Variants in SLC4A10 observed in about 807,000 individuals in gnomAD.
SLC4A10 encodes sodium-driven chloride bicarbonate exchanger.
In SLC4A10, 42 loss-of-function variants were observed where a neutral mutation model predicts 137.7. The ratio of observed to expected loss-of-function variants is 0.30; its 90% CI spans 0.24 to 0.39. SLC4A10 has a LOEUF of 0.39. SLC4A10 is among the 10% of genes least tolerant of loss of function. The pLI, the probability that SLC4A10 is intolerant of heterozygous loss-of-function variation, is 1.00. For synonymous variants in SLC4A10, 474 were observed against 464.1 expected (o/e 1.02, Z -0.27); for missense variants, 925 against 1,355.0 (o/e 0.68, Z 4.98).
At chr2:161,632,991 G>T (rs1369808416) in intron 1 of SLC4A10, among the ~76,000 whole-genome samples, 1 of 151,520 alleles carries the variant, frequency 6.6e-6, no homozygotes, top group African/African-American at 2.4e-5. Flanking sequence ...GCAATATTGT[G>T]TATATACATG....
intron 5 of SLC4A10, among the ~76,000 whole-genome samples, chr2:161,862,655 A>G (rs1004740298): frequency 2.0e-4 from 31 of 152,210 alleles, no homozygotes; most frequent in African/African-American, 7.2e-4. Context: ...AGAATGGTTT[A>G]TAATGAAAAT....
chr2:161,934,226 C>T (rs1013838109), intron 15 of SLC4A10, among the ~76,000 whole-genome samples: 1 of 152,086 alleles, frequency 6.6e-6, no homozygotes, highest in African/African-American at 2.4e-5. Context: ...ACTGTAGTCA[C>T]CCTGTTGTGT....
At chr2:161,945,382 AC>A (rs899424377) in intron 16 of SLC4A10, among the ~76,000 whole-genome samples, 1 of 151,394 alleles carries the variant, frequency 6.6e-6, no homozygotes, top group Non-Finnish European at 1.5e-5. Context: ...ACTAATGCCA[AC>A]TTTAATTTCT....
rs558798340 is a variant in SLC4A10, at chr2:161,647,088, A to G, written c.48+22522A>G. Among the ~76,000 whole-genome samples, 35 of 152,116 alleles carry G rather than the reference A, an allele frequency of 2.3e-4. No individual in the cohort carries two copies. The South Asian group carries it at 6.6e-3, about 29-fold the overall frequency. On this transcript the variant is annotated intron_variant, in intron 1 of 26. Coordinates refer to ENST00000446997, the MANE Select transcript of SLC4A10 (RefSeq NM_001178015.2). ...TCTTCTTCTGGAATGATTATACAGG[A>G]TCTTCTTAATTGAAAACTGTTAACG...
In SLC4A10 at chr2:161,624,473, G is replaced by A; in HGVS notation, c.-46G>A. ...AGTGCCGGGCTGAGTGTAAGACACT[G>A]AAGACACTGCAGAGCAAGGTGCTTA... On this transcript the variant is annotated 5_prime_UTR_variant, in exon 1 of 27. Coordinates refer to ENST00000446997, the MANE Select transcript of SLC4A10 (RefSeq NM_001178015.2). The A allele has an allele frequency of 6.4e-7, 1 of 1,551,346 alleles. No individual in the cohort carries two copies. The highest frequency in any genetic ancestry group is 1.2e-5 in the South Asian group (1 of 84,046).
At chr2:161,957,471 A>T (rs891401953) in intron 20 of SLC4A10, among the ~76,000 whole-genome samples, 2 of 152,196 alleles carry the variant, frequency 1.3e-5, no homozygotes, top group Non-Finnish European at 2.9e-5. Flanking sequence ...GTAAAATTTG[A>T]TGAGTAAATT....
chr2:161,715,612 T>C (rs1241711645), intron 1 of SLC4A10, among the ~76,000 whole-genome samples: 2 of 152,074 alleles, frequency 1.3e-5, no homozygotes, highest in Admixed American at 1.3e-4. Context: ...TGTTCCTGCG[T>C]TAGTTTGCAG....
chr2:161,788,353 G>A (rs561687864), intron 2 of SLC4A10, among the ~76,000 whole-genome samples: 1 of 151,872 alleles, frequency 6.6e-6, no homozygotes, highest in African/African-American at 2.4e-5. Flanking sequence ...TTTTTATTTG[G>A]TGGTGCAATT....
intron 19 of SLC4A10, among the ~76,000 whole-genome samples, chr2:161,952,219 G>A (rs1694925759): frequency 1.3e-5 from 2 of 152,136 alleles, no homozygotes; most frequent in South Asian, 4.1e-4. Context: ...GAAGTGAAAT[G>A]TGTGCTGAGA....
intron 1 of SLC4A10, among the ~76,000 whole-genome samples, chr2:161,732,725 T>C (rs2046942079): frequency 6.6e-6 from 1 of 152,046 alleles, no homozygotes; most frequent in Non-Finnish European, 1.5e-5. Context: ...GACAGGAAAA[T>C]GTGGGCAAGT....
intron 1 of SLC4A10, among the ~76,000 whole-genome samples, chr2:161,724,147 A>G (rs2045977839): frequency 6.6e-6 from 1 of 152,116 alleles, no homozygotes; most frequent in Non-Finnish European, 1.5e-5. Context: ...CACCTGGACT[A>G]TTGTAACCAT....
At chr2:161,667,381 T>C (rs1370627826) in intron 1 of SLC4A10, among the ~76,000 whole-genome samples, 1 of 151,700 alleles carries the variant, frequency 6.6e-6, no homozygotes, top group African/African-American at 2.4e-5. Context: ...GCTTAGACTC[T>C]AGTGGGGAAG....
chr2:161,979,693 G>A (rs373984118), intron 26 of SLC4A10, among the ~76,000 whole-genome samples: 1 of 152,082 alleles, frequency 6.6e-6, no homozygotes, highest in South Asian at 2.1e-4. Context: ...ATCATGACCA[G>A]GAACTGTGAA....
At chr2:161,768,280 A>G (rs1490156581) in intron 1 of SLC4A10, among the ~76,000 whole-genome samples, 2 of 152,174 alleles carry the variant, frequency 1.3e-5, no homozygotes, top group South Asian at 2.1e-4. Context: ...CCTGACATCC[A>G]TAAGTCCCTA....
rs949020398 is a variant in SLC4A10, at chr2:161,854,951, A to G, written c.417-19A>G. 2 of 1,605,752 alleles carry G rather than the reference A, an allele frequency of 1.2e-6. No homozygotes were observed. The stretch of plus-strand genomic sequence containing the variant: ...CTACAATATAATATAAACTGTGCTG[A>G]TAATATTTGTTTGTATAGGTGGTTG... On this transcript the variant is annotated intron_variant, in intron 4 of 26. Transcript: ENST00000446997.
intron 3 of SLC4A10, among the ~76,000 whole-genome samples, chr2:161,831,937 G>T (rs565517694): frequency 6.6e-6 from 1 of 152,078 alleles, no homozygotes; most frequent in Non-Finnish European, 1.5e-5. Flanking sequence ...TTGGGCAAAG[G>T]CACTAAGTGC....
chr2:161,983,422 T>G lies in SLC4A10; in HGVS notation c.*270T>G, dbSNP rs1293127197. On this transcript the variant is annotated 3_prime_UTR_variant, in exon 27 of 27. Coordinates refer to ENST00000446997, the MANE Select transcript of SLC4A10 (RefSeq NM_001178015.2). ...AAACTTCTGAGCAGTGAGACATCCC[T>G]GTGAGCAGATACAATAGCCAATGCA... 2 of 590,568 alleles carry G rather than the reference T, an allele frequency of 3.4e-6. No individual in the cohort carries two copies. Among genetic ancestry groups the G allele is most frequent in the African/African-American group, 3.8e-5 (2 of 53,200 alleles). 36.6% of individuals were successfully genotyped at this position (590,568 alleles called of 1,614,324 possible). A position where few individuals can be genotyped will look rare whatever the true frequency, so the allele number is the denominator to read the frequency against.
chr2:161,928,506 A>G (rs1180733326), intron 15 of SLC4A10, among the ~76,000 whole-genome samples: 3 of 151,792 alleles, frequency 2.0e-5, no homozygotes, highest in South Asian at 4.2e-4. Context: ...CATGTACCCT[A>G]AAACTTAAAG....
At chr2:161,906,253 C>T (rs377390847) in intron 15 of SLC4A10, among the ~76,000 whole-genome samples, 57 of 152,086 alleles carry the variant, frequency 3.7e-4, no homozygotes, top group Middle Eastern at 3.4e-3. Context: ...TCCAAAGAAA[C>T]ATAGTAATGA....
Sources: allele counts gnomAD v4.1 joint callset (sites outside exome capture counted in the v4.1 genomes callset), GRCh38; gene constraint gnomAD v4.1.1; transcripts MANE v1.5; gene names NCBI Gene and HGNC (gene_info 2026-07-23, HGNC 2026-07-21).